Variants in GRID2 observed in about 807,000 individuals in gnomAD.
The protein encoded by GRID2 is glutamate receptor ionotropic, delta-2.
Under a neutral mutation model 114.8 loss-of-function variants are expected in GRID2, and 33 were observed. That is an observed-to-expected ratio of 0.29 (90% CI 0.22 to 0.38). GRID2 has a LOEUF of 0.38. GRID2 is among the 10% of genes least tolerant of loss of function. GRID2 has a pLI of 1.00. For synonymous variants in GRID2, 505 were observed against 449.9 expected (o/e 1.12, Z -1.55); for missense variants, 1,184 against 1,257.7 (o/e 0.94, Z 0.89).
chr4:93,226,153 C>T (rs543157324), intron 7 of GRID2, among the ~76,000 whole-genome samples: 5 of 152,084 alleles, frequency 3.3e-5, no homozygotes, highest in Non-Finnish European at 5.9e-5. Context: ...ATTCACGTCC[C>T]GCTCACATAT....
chr4:93,259,270 T>C (rs896126405), intron 8 of GRID2, among the ~76,000 whole-genome samples: 2 of 151,784 alleles, frequency 1.3e-5, no homozygotes, highest in African/African-American at 4.8e-5. Context: ...GGATTTAACT[T>C]GTCACTAGAA....
intron 1 of GRID2, among the ~76,000 whole-genome samples, chr4:92,431,139 A>G (rs992431960): frequency 9.2e-5 from 14 of 152,278 alleles, no homozygotes; most frequent in African/African-American, 3.4e-4. Context: ...TTCCAGTACA[A>G]TGTTGAATAC....
intron 1 of GRID2, among the ~76,000 whole-genome samples, chr4:92,349,119 A>T (rs1727932563): frequency 6.6e-6 from 1 of 152,014 alleles, no homozygotes. Context: ...AAATGTTATT[A>T]TTCTTGGCTT....
chr4:92,504,178 A>G (rs947428829), intron 1 of GRID2, among the ~76,000 whole-genome samples: 5 of 152,096 alleles, frequency 3.3e-5, no homozygotes, highest in African/African-American at 4.8e-5. Flanking sequence ...TAAAATTTCC[A>G]TACCCAGAAG....
chr4:93,060,260 A>G (rs1389421037), intron 2 of GRID2, among the ~76,000 whole-genome samples: 1 of 152,102 alleles, frequency 6.6e-6, no homozygotes, highest in Non-Finnish European at 1.5e-5. Context: ...TGTCATAGCT[A>G]TGTTGATTCA....
chr4:92,875,510 A>G (rs1256242060), intron 2 of GRID2, among the ~76,000 whole-genome samples: 1 of 152,202 alleles, frequency 6.6e-6, no homozygotes, highest in African/African-American at 2.4e-5. Context: ...GGTTCAATAC[A>G]ACACATTTGG....
intron 1 of GRID2, among the ~76,000 whole-genome samples, chr4:92,538,870 G>A (rs568411819): frequency 8.3e-4 from 126 of 151,932 alleles, no homozygotes; most frequent in Non-Finnish European, 1.4e-3. Context: ...ATGAAACCCC[G>A]TCTCTACTAA....
At chr4:93,196,798 G>A (rs1018109013) in intron 4 of GRID2, among the ~76,000 whole-genome samples, 1 of 152,072 alleles carries the variant, frequency 6.6e-6, no homozygotes, top group African/African-American at 2.4e-5. Flanking sequence ...TTCCTCCTCT[G>A]GTGGCAATGG....
intron 1 of GRID2, among the ~76,000 whole-genome samples, chr4:92,394,444 CT>C (rs764399882): frequency 1.3e-5 from 2 of 151,880 alleles, no homozygotes; most frequent in African/African-American, 4.8e-5. Context: ...TTCTAGAAAA[CT>C]TTTTTTCACA....
chr4:93,301,282 A>G (rs1754843225), intron 8 of GRID2, among the ~76,000 whole-genome samples: 2 of 152,176 alleles, frequency 1.3e-5, no homozygotes, highest in Non-Finnish European at 2.9e-5. Flanking sequence ...CCATTTATCA[A>G]TTTATCTAAA....
rs151132616 is a variant in GRID2 at position 92,950,326 on chromosome 4, C to T, written c.245-134669C>T. On this transcript the variant is annotated intron_variant, in intron 2 of 15. Coordinates refer to ENST00000282020, the MANE Select transcript of GRID2 (RefSeq NM_001510.4). Reference sequence around the variant, plus strand: ...CTGACAGAGCAATGTAAATCTTGGACATAAACAACAAAGAGTGTGTTTCTA... The same window carrying T: ...CTGACAGAGCAATGTAAATCTTGGATATAAACAACAAAGAGTGTGTTTCTA... 6.6e-5 allele frequency among the ~76,000 whole-genome samples: 10 copies of T among 152,232 alleles called. No individual in the cohort carries two copies. The East Asian group carries it at 1.9e-3, about 29-fold the overall frequency.
intron 9 of GRID2, among the ~76,000 whole-genome samples, chr4:93,401,848 G>A (rs1765922093): frequency 6.6e-6 from 1 of 151,852 alleles, no homozygotes; most frequent in African/African-American, 2.4e-5. Context: ...GCAGCAGACA[G>A]CCACCTACTG....
chr4:92,711,655 C>T (rs1735258538), intron 2 of GRID2, among the ~76,000 whole-genome samples: 1 of 152,144 alleles, frequency 6.6e-6, no homozygotes, highest in African/African-American at 2.4e-5. Context: ...GTAATCCAAG[C>T]ACTTTGGGAA....
intron 1 of GRID2, among the ~76,000 whole-genome samples, chr4:92,401,076 A>G (rs1233442983): frequency 1.3e-5 from 2 of 152,082 alleles, no homozygotes; most frequent in Admixed American, 6.6e-5. Flanking sequence ...TTCTTTCATA[A>G]AAGTTTTAAT....
intron 1 of GRID2, among the ~76,000 whole-genome samples, chr4:92,313,081 ATGTGTGTGTGTGTGTGTG>A (rs144557382): frequency 7.6e-5 from 11 of 145,214 alleles, no homozygotes; most frequent in African/African-American, 1.0e-4. Flanking sequence ...AAACTCTGAT[ATGTGTGTGTGTGTGTGTG>A]TGTGTGTGTG....
intron 13 of GRID2, among the ~76,000 whole-genome samples, chr4:93,595,366 G>C (rs1738972410): frequency 1.3e-5 from 2 of 152,070 alleles, no homozygotes; most frequent in Admixed American, 1.3e-4. Context: ...TTCACAACTA[G>C]ACCAAGTTCT....
intron 13 of GRID2, among the ~76,000 whole-genome samples, chr4:93,612,409 A>G (rs1429409142): frequency 6.9e-6 from 1 of 145,488 alleles, no homozygotes; most frequent in African/African-American, 2.6e-5. Context: ...CCTAGTCTCG[A>G]TGGGCTTTAC....
At chr4:92,493,675 G>A (rs752784773) in intron 1 of GRID2, among the ~76,000 whole-genome samples, 18 of 151,986 alleles carry the variant, frequency 1.2e-4, no homozygotes, top group Non-Finnish European at 2.1e-4. Context: ...ATTGACTCCC[G>A]TTGGCCTTAG....
At chr4:93,434,727 C>A (rs959233210) in intron 10 of GRID2, among the ~76,000 whole-genome samples, 6 of 152,218 alleles carry the variant, frequency 3.9e-5, no homozygotes, top group Non-Finnish European at 7.4e-5. Flanking sequence ...GTGATCCAGT[C>A]ATTTTCCTGC....
Sources: allele counts gnomAD v4.1 joint callset (sites outside exome capture counted in the v4.1 genomes callset), GRCh38; gene constraint gnomAD v4.1.1; transcripts MANE v1.5; gene names NCBI Gene and HGNC (gene_info 2026-07-23, HGNC 2026-07-21).